Variants in PITPNM2 observed in about 807,000 individuals in gnomAD.
PITPNM2 encodes the protein phosphatidylinositol transfer protein membrane associated 2.
Under a neutral mutation model 132.2 loss-of-function variants are expected in PITPNM2, and 35 were observed. The ratio of observed to expected loss-of-function variants is 0.26; its 90% CI spans 0.20 to 0.35. The LOEUF is 0.35. Ranked by LOEUF, PITPNM2 falls within the 10% of genes least tolerant of loss-of-function variation. The pLI is 1.00. For missense variants in PITPNM2, 1,332 were observed against 1,912.0 expected (o/e 0.70, Z 5.66); for synonymous variants, 738 against 799.2 (o/e 0.92, Z 1.29).
chr12:123,025,781 T>A (rs998070367), intron 3 of PITPNM2, among the ~76,000 whole-genome samples: 1 of 152,218 alleles, frequency 6.6e-6, no homozygotes, highest in Non-Finnish European at 1.5e-5. Context: ...CTGGATGCTC[T>A]AAGCTCCCAC....
At chr12:123,125,630 G>A (rs1465827422) in intron 1 of PITPNM2, among the ~76,000 whole-genome samples, 1 of 151,718 alleles carries the variant, frequency 6.6e-6, no homozygotes, top group African/African-American at 2.4e-5. Context: ...GGATCACGAG[G>A]TCAGGAGTTT....
rs141385049 is a variant in PITPNM2 at position 122,993,535 on chromosome 12, C to T, written c.2234-866G>A. Among the ~76,000 whole-genome samples, 571 of 152,346 alleles carry T rather than the reference C, an allele frequency of 3.7e-3. 4 individuals carry two copies. The highest frequency in any genetic ancestry group is 0.013 in the African/African-American group (531 of 41,586). ...TGTCAGCACGTCTAGTTTCTCCTTG[C>T]TCTTTTTCAGTGGAGGCGGGTACTC... On this transcript the variant is annotated intron_variant, in intron 15 of 25. Coordinates refer to ENST00000320201, the MANE Select transcript of PITPNM2 (RefSeq NM_020845.3). The surrounding 1 kb of genome is among the most constrained non-coding windows in gnomAD (Gnocchi z 5.2).
intron 2 of PITPNM2, among the ~76,000 whole-genome samples, chr12:123,071,725 G>A (rs767314235): frequency 1.2e-4 from 18 of 152,246 alleles, no homozygotes; most frequent in Non-Finnish European, 2.2e-4. Context: ...AAGAAGCACA[G>A]AATCTTGAAT....
intron 1 of PITPNM2, among the ~76,000 whole-genome samples, chr12:123,136,477 C>T (rs1483473204): frequency 6.6e-6 from 1 of 152,164 alleles, no homozygotes; most frequent in Non-Finnish European, 1.5e-5. Context: ...TCCATGTAAT[C>T]TAGAACACAG....
chr12:123,143,596 T>C (rs549259849), intron 1 of PITPNM2, among the ~76,000 whole-genome samples: 19 of 152,206 alleles, frequency 1.2e-4, no homozygotes, highest in Non-Finnish European at 2.1e-4. Flanking sequence ...CCCCCCATCT[T>C]GGCCTGAAAC....
chr12:123,057,966 C>T (rs968106045), intron 2 of PITPNM2, among the ~76,000 whole-genome samples: 4 of 152,180 alleles, frequency 2.6e-5, no homozygotes, highest in Non-Finnish European at 5.9e-5. Flanking sequence ...CCCTCCGTGC[C>T]AGCTGGGCCC....
In PITPNM2 at chr12:122,986,978, C is replaced by T. The variant is rs1466355418; in HGVS notation, c.3414-149G>A. ...GACGACAATGGTTGACAATGACGTG[C>T]TGCAGCAGGCCCTTGGGTGCCCGCA... On this transcript the variant is annotated intron_variant, in intron 23 of 25. Transcript: ENST00000320201. The T allele has an allele frequency of 9.6e-6, 11 of 1,143,078 alleles. No homozygotes were observed. The East Asian group carries it at 2.3e-4, about 24-fold the overall frequency. 70.8% of individuals were successfully genotyped at this position (1,143,078 alleles called of 1,614,324 possible). A position where few individuals can be genotyped will look rare whatever the true frequency, so the allele number is the denominator to read the frequency against.
intron 2 of PITPNM2, among the ~76,000 whole-genome samples, chr12:123,101,374 T>C (rs912343353): frequency 6.6e-6 from 1 of 152,148 alleles, no homozygotes; most frequent in Non-Finnish European, 1.5e-5. Context: ...TTGTTTCTAT[T>C]AATAAACATA....
rs2042453882 is a variant in PITPNM2, at chr12:123,097,922, C to T, written c.-96+12463G>A. On this transcript the variant is annotated intron_variant, in intron 2 of 25. Coordinates refer to ENST00000320201, the MANE Select transcript of PITPNM2 (RefSeq NM_020845.3). This position sits in a 1 kb window ranked among gnomAD's most constrained non-coding sequence, Gnocchi z 4.7. The stretch of plus-strand genomic sequence containing the variant: ...ACATAATCCTCCTTTCTCTGCTGGC[C>T]TTGGCCCTCTGTAGTGATGCAGGGG... 1.3e-5 allele frequency among the ~76,000 whole-genome samples: 2 copies of T among 152,232 alleles called. No homozygotes were observed. The highest frequency in any genetic ancestry group is 2.9e-5 in the Non-Finnish European group (2 of 68,046).
chr12:123,039,816 A>G (rs540179207), intron 2 of PITPNM2, among the ~76,000 whole-genome samples: 8 of 152,166 alleles, frequency 5.3e-5, no homozygotes, highest in Non-Finnish European at 1.0e-4. Flanking sequence ...TTGCCACTCA[A>G]TTTTGCTGTG....
intron 1 of PITPNM2, among the ~76,000 whole-genome samples, chr12:123,119,583 C>A (rs921697497): frequency 3.3e-5 from 5 of 151,930 alleles, no homozygotes; most frequent in African/African-American, 1.2e-4. Flanking sequence ...TGGTCTTGAT[C>A]TCCTGACCTC....
rs1337319993 is a variant in PITPNM2, at chr12:123,095,522, C to T, written c.-96+14863G>A. Among the ~76,000 whole-genome samples the T allele has an allele frequency of 6.6e-6, 1 of 152,188 alleles. No homozygotes were observed. Among genetic ancestry groups the T allele is most frequent in the Admixed American group, 6.5e-5 (1 of 15,284 alleles). On this transcript the variant is annotated intron_variant, in intron 2 of 25. Transcript: ENST00000320201. This position sits in a 1 kb window ranked among gnomAD's most constrained non-coding sequence, Gnocchi z 5.0. ...AGCCTGCCCCCTCCTCCCCCCGCCTCCGACCTGTCACCCAGATGAAGTGAG... is the reference window on the plus strand; with the variant it reads ...AGCCTGCCCCCTCCTCCCCCCGCCTTCGACCTGTCACCCAGATGAAGTGAG...
intron 1 of PITPNM2, among the ~76,000 whole-genome samples, chr12:123,121,998 T>TA (rs1306903692): frequency 6.6e-6 from 1 of 152,208 alleles, no homozygotes; most frequent in Non-Finnish European, 1.5e-5. Context: ...TAGTTGGGAC[T>TA]ACAGGCACAC....
chr12:123,125,056 C>T (rs1163028502), intron 1 of PITPNM2, among the ~76,000 whole-genome samples: 1 of 152,122 alleles, frequency 6.6e-6, no homozygotes, highest in Admixed American at 6.6e-5. Context: ...CTCTTGGGCT[C>T]CCTTGATCCT....
rs750982928 is a variant in PITPNM2 at position 123,004,620 on chromosome 12, G to A, written c.953-131C>T. The A allele has an allele frequency of 6.3e-6, 5 of 789,888 alleles. No individual in the cohort carries two copies. Among genetic ancestry groups the A allele is most frequent in the African/African-American group, 1.7e-5 (1 of 58,916 alleles). 48.9% of individuals were successfully genotyped at this position (789,888 alleles called of 1,614,324 possible). A position where few individuals can be genotyped will look rare whatever the true frequency, so the allele number is the denominator to read the frequency against. Reference sequence around the variant, plus strand: ...TCACAGAGGCTGCCACAGGAGCCAGGAAGGTTCCGAAGAGAATGAAGTGTG... The same window carrying A: ...TCACAGAGGCTGCCACAGGAGCCAGAAAGGTTCCGAAGAGAATGAAGTGTG... On this transcript the variant is annotated intron_variant, in intron 7 of 25. Coordinates refer to ENST00000320201, the MANE Select transcript of PITPNM2 (RefSeq NM_020845.3). The surrounding 1 kb of genome is among the most constrained non-coding windows in gnomAD (Gnocchi z 4.9).
In PITPNM2 at chr12:122,986,049, C is replaced by G; in HGVS notation, c.4028G>C (p.Gly1343Ala). The G allele has an allele frequency of 7.1e-7, 1 of 1,411,630 alleles. No homozygotes were observed. The highest frequency in any genetic ancestry group is 9.1e-7 in the Non-Finnish European group (1 of 1,094,306). 87.4% of individuals were successfully genotyped at this position (1,411,630 alleles called of 1,614,324 possible). ...GCCCTACTTGGGGCCCGCGGCTGCC[C>G]CCGGCTCCAGGCGGCCAGTCATGGC... ...GRAMTGRLEP[G>A]AAAGPK The change falls in exon 26 of 26, where the codon GGG becomes GCG. Residue 1343 changes from glycine to alanine, a missense_variant. Physicochemically the swap from Gly to Ala is moderately conservative, Grantham distance 60. Transcript: ENST00000320201.
chr12:123,146,224 T>A (rs959658318), intron 1 of PITPNM2, among the ~76,000 whole-genome samples: 3 of 151,938 alleles, frequency 2.0e-5, no homozygotes, highest in African/African-American at 7.3e-5. Context: ...AGTACCTGAG[T>A]GATGAAATGA....
intron 2 of PITPNM2, among the ~76,000 whole-genome samples, chr12:123,075,173 C>T (rs2041746050): frequency 7.9e-6 from 1 of 127,362 alleles, no homozygotes; most frequent in African/African-American, 5.5e-5. Flanking sequence ...CACTTGTGGG[C>T]AAAGGCGTGT....
At chr12:123,024,366 G>T (rs1470010872) in intron 3 of PITPNM2, among the ~76,000 whole-genome samples, 1 of 152,162 alleles carries the variant, frequency 6.6e-6, no homozygotes, top group African/African-American at 2.4e-5. Flanking sequence ...CAGTTTGGCG[G>T]TTCCTCAAAA....
Sources: allele counts gnomAD v4.1 joint callset (sites outside exome capture counted in the v4.1 genomes callset), GRCh38; gene constraint gnomAD v4.1.1; non-coding constraint Gnocchi (gnomAD v3.1); transcripts MANE v1.5; gene names NCBI Gene and HGNC (gene_info 2026-07-23, HGNC 2026-07-21).